ATF6B: variants seen among roughly 807,000 people sequenced by gnomAD.
ATF6B encodes cyclic AMP-dependent transcription factor ATF-6 beta.
Under a neutral mutation model 83.5 loss-of-function variants are expected in ATF6B, and 50 were observed. That is an observed-to-expected ratio of 0.60 (90% CI 0.48 to 0.76). The LOEUF is 0.76. Among genes scored for constraint, ATF6B ranks in the 30% least tolerant of loss-of-function variants. ATF6B has a pLI of 0.00. For missense variants in ATF6B, 790 were observed against 893.8 expected (o/e 0.88, Z 1.48); for synonymous variants, 344 against 362.8 (o/e 0.95, Z 0.59).
At chr6:32,122,682 A>C (rs377334399) in intron 5 of ATF6B, among the ~76,000 whole-genome samples, 1 of 151,298 alleles carries the variant, frequency 6.6e-6, no homozygotes, top group Non-Finnish European at 1.5e-5. Context: ...CCCCGTCTCT[A>C]CTAAAAAAAT....
At chr6:32,121,235 T>TGGAG (rs966263611) in intron 6 of ATF6B, 28 bp downstream of exon 6, 1 of 1,612,498 alleles carries the variant, frequency 6.2e-7, no homozygotes, top group African/African-American at 1.3e-5. Context: ...CTGGAAAACC[T>TGGAG]GGAGGAAGGA....
rs763437493 is a variant in ATF6B at position 32,121,362 on chromosome 6, G to T, written c.479-14C>A. On this transcript the variant is annotated splice_polypyrimidine_tract_variant and intron_variant, in intron 5 of 17. Coordinates refer to ENST00000375203, the MANE Select transcript of ATF6B (RefSeq NM_004381.5). ...TGGTCTGGACATCTGTGGGAGGCAG[G>T]ATGAGGCAAAAGCTGGATATCATGT... The T allele has an allele frequency of 2.5e-6, 4 of 1,610,388 alleles. No individual in the cohort carries two copies. In the South Asian group the frequency reaches 4.4e-5, roughly 18 times the overall value.
Position 32,115,730 on chromosome 6 carries a change from T to C in ATF6B, c.*9A>G, listed in dbSNP as rs199925211. 9.2e-5 allele frequency: 145 copies of C among 1,575,634 alleles called. No homozygotes were observed. The highest frequency in any genetic ancestry group is 1.8e-5 in the Non-Finnish European group (21 of 1,158,556). The stretch of plus-strand genomic sequence containing the variant: ...TCCCCCCGTTCTAAGTCAGTGTGAA[T>C]GGCAGAGGTCAGGGATGATTGAGGT... On this transcript the variant is annotated 3_prime_UTR_variant, in exon 18 of 18. Coordinates refer to ENST00000375203, the MANE Select transcript of ATF6B (RefSeq NM_004381.5).
chr6:32,125,947 T>G lies in ATF6B; in HGVS notation c.478+170A>C. 1.1e-6 allele frequency: 1 copy of G among 925,826 alleles called. No individual in the cohort carries two copies. Among genetic ancestry groups the G allele is most frequent in the Non-Finnish European group, 1.6e-6 (1 of 627,038 alleles). The allele number at this position is 925,826 out of a possible 1,614,324, so 57.4% of individuals were successfully genotyped here. On this transcript the variant is annotated intron_variant, in intron 5 of 17. Coordinates refer to ENST00000375203, the MANE Select transcript of ATF6B (RefSeq NM_004381.5). The surrounding 1 kb of genome is among the most constrained non-coding windows in gnomAD (Gnocchi z 4.1). The stretch of plus-strand genomic sequence containing the variant: ...CTGCCCTTGCTGTGGTTCCCTGAAA[T>G]GTTTCCTCTCCTTCCTGCCTTCCCT...
chr6:32,116,550 G>C lies in ATF6B; in HGVS notation c.1812C>G (p.Leu604=). The change falls in exon 17 of 18, where the codon CTC becomes CTG. Residue 604 remains leucine (L), a synonymous_variant. Transcript: ENST00000375203. The surrounding 1 kb of genome is among the most constrained non-coding windows in gnomAD (Gnocchi z 5.1). ...VVSFRRDHLL[L]PAISHNKTSR... ...AGGTCTTGTTGTGGCTGATGGCTGG[G>C]AGCAGCAGGTGGTCCTGGGGAACAG... 1 of 1,599,808 alleles carries C rather than the reference G, an allele frequency of 6.3e-7. No individual in the cohort carries two copies. The highest frequency in any genetic ancestry group is 8.5e-7 in the Non-Finnish European group (1 of 1,171,778).
At chr6:32,123,289 C>CA (rs1191668290) in intron 5 of ATF6B, among the ~76,000 whole-genome samples, 1 of 141,876 alleles carries the variant, frequency 7.0e-6, no homozygotes, top group Non-Finnish European at 1.5e-5. Context: ...ATAACCCTCA[C>CA]AAAACTCTCC....
chr6:32,116,668 TGG>T lies in ATF6B; in HGVS notation c.1797+34_1797+35del. 3 of 1,609,688 alleles carry T rather than the reference TGG, an allele frequency of 1.9e-6. No individual in the cohort carries two copies. The highest frequency in any genetic ancestry group is 2.6e-6 in the Non-Finnish European group (3 of 1,176,094). ...CACTGAAGACAGACTGCTGGGAACC[TGG>T]GGTGACAGAGATGGAAGGGCAGGAG... is the stretch of plus-strand genomic sequence containing the variant. On this transcript the variant is annotated intron_variant, in intron 16 of 17. Coordinates refer to ENST00000375203, the MANE Select transcript of ATF6B (RefSeq NM_004381.5). The surrounding 1 kb of genome is among the most constrained non-coding windows in gnomAD (Gnocchi z 5.1).
Position 32,118,814 on chromosome 6 carries a change from A to C in ATF6B, c.1205T>G (p.Val402Gly), listed in dbSNP as rs1781634516. The part of the protein sequence containing the change: ...SGNRKVVCIM[V>G]FLLFIAFNFG... ...GTTGAAGGCAATGAAGAGAAGGAAG[A>C]CCATGATGCAGACCACCTTCCTGTT... Residue 402 changes from valine (V) to glycine (G), a missense_variant, in exon 11 of 18, where the codon GTC (valine) becomes GGC (glycine). Val to Gly is a moderately radical substitution (Grantham distance 109). Coordinates refer to ENST00000375203, the MANE Select transcript of ATF6B (RefSeq NM_004381.5). The surrounding 1 kb of genome is among the most constrained non-coding windows in gnomAD (Gnocchi z 5.2). 1.9e-6 allele frequency: 3 copies of C among 1,614,142 alleles called. No homozygotes were observed. In the Admixed American group the frequency reaches 5.0e-5, roughly 27 times the overall value.
Position 32,117,801 on chromosome 6 carries a change from G to T in ATF6B, c.1424+58C>A. 6.4e-7 allele frequency: 1 copy of T among 1,565,908 alleles called. No individual in the cohort carries two copies. Among genetic ancestry groups the T allele is most frequent in the East Asian group, 2.3e-5 (1 of 43,878 alleles). On this transcript the variant is annotated intron_variant, in intron 12 of 17. Coordinates refer to ENST00000375203, the MANE Select transcript of ATF6B (RefSeq NM_004381.5). The surrounding 1 kb of genome is among the most constrained non-coding windows in gnomAD (Gnocchi z 5.0). Reference sequence around the variant, plus strand: ...GCTTTGGGTCCCCCTCACTGAAAGCGGGGAGAAGACCAACTCATACCCTCA... The same window carrying T: ...GCTTTGGGTCCCCCTCACTGAAAGCTGGGAGAAGACCAACTCATACCCTCA...
At position 32,127,140 on chromosome 6, in the gene ATF6B, G is replaced by A. The variant is rs745602805; in HGVS notation, c.305C>T (p.Ser102Phe). 1 of 1,611,366 alleles carries A rather than the reference G, an allele frequency of 6.2e-7. No homozygotes were observed. Among genetic ancestry groups the A allele is most frequent in the Non-Finnish European group, 8.5e-7 (1 of 1,179,132 alleles). ...SSPCSSSSLS[S>F]ESSRLSTEPS... The stretch of plus-strand genomic sequence containing the variant: ...CTCTGTGGAGAGACGCGATGACTCG[G>A]AGCTGAGGGAGGAGGAAGAGCAGGG... Residue 102 changes from serine (S) to phenylalanine (F), a missense_variant, in exon 4 of 18, where the codon TCC becomes TTC. Ser to Phe is a radical substitution (Grantham distance 155). Around this residue, in one of 3 missense-constraint regions of ATF6B, gnomAD observed 253 missense variants for 243.1 expected, o/e 1.04. Coordinates refer to ENST00000375203, the MANE Select transcript of ATF6B (RefSeq NM_004381.5).
chr6:32,127,304 A>C (rs1035206001), intron 3 of ATF6B, 110 bp from the exon 4 acceptor site: 1 of 1,371,578 alleles, frequency 7.3e-7, no homozygotes, highest in African/African-American at 1.4e-5. Flanking sequence ...GGGAGAAGAA[A>C]CAAAAATAGG....
At chr6:32,120,008 G>T (rs2127338796) in intron 8 of ATF6B, 51 bp from the exon 9 acceptor site, 1 of 1,578,644 alleles carries the variant, frequency 6.3e-7, no homozygotes. Flanking sequence ...TGGGGTCCTT[G>T]TGTCCACACC....
Position 32,117,693 on chromosome 6 carries a change from T to G in ATF6B, c.1426A>C (p.Asn476His). 1.2e-6 allele frequency: 2 copies of G among 1,613,828 alleles called. No individual in the cohort carries two copies. The highest frequency in any genetic ancestry group is 1.7e-6 in the Non-Finnish European group (2 of 1,179,850). ...GCGCCCCCAGGGAAGGCTGTCAGGT[T>G]GCTGGAGTGAAGCAGGAAGGAGACA... ...PSPTDQPSFS[N>H]LTAFPGGAKE... Residue 476 changes from asparagine (N) to histidine (H), a missense_variant and splice_region_variant, in exon 13 of 18, where the codon AAC becomes CAC. Coordinates refer to ENST00000375203, the MANE Select transcript of ATF6B (RefSeq NM_004381.5). The surrounding 1 kb of genome is among the most constrained non-coding windows in gnomAD (Gnocchi z 5.0).
chr6:32,127,510 C>G lies in ATF6B; in HGVS notation c.182G>C (p.Ser61Thr). Residue 61 changes from serine (S) to threonine (T), a missense_variant, in exon 3 of 18, where the codon AGC (serine) becomes ACC (threonine). Transcript: ENST00000375203. ...CPEQDVPFDG[S>T]SLDVGMDVSP... ...GACATCCATCCCCACGTCCAGGGAGCTGCCGTCAAACTAAATAAGGGAGGA... is the reference window on the plus strand; with the variant it reads ...GACATCCATCCCCACGTCCAGGGAGGTGCCGTCAAACTAAATAAGGGAGGA... 2 of 1,613,318 alleles carry G rather than the reference C, an allele frequency of 1.2e-6. No individual in the cohort carries two copies. The highest frequency in any genetic ancestry group is 1.7e-6 in the Non-Finnish European group (2 of 1,179,522).
intron 7 of ATF6B, 42 bp downstream of exon 7, chr6:32,120,947 G>A (rs1421975915): frequency 1.3e-6 from 2 of 1,520,660 alleles, no homozygotes; most frequent in Non-Finnish European, 1.8e-6. Flanking sequence ...CAGGACCAAA[G>A]GCCTCTCACT....
In ATF6B at chr6:32,118,149, G is replaced by A. The variant is rs1173526315; in HGVS notation, c.1245-111C>T. On this transcript the variant is annotated intron_variant, in intron 11 of 17. Coordinates refer to ENST00000375203, the MANE Select transcript of ATF6B (RefSeq NM_004381.5). This position sits in a 1 kb window ranked among gnomAD's most constrained non-coding sequence, Gnocchi z 5.2. ...GCTTGAGTTGCAATCTGTTATACAA[G>A]CCTGAGTCTGCCTCTGTAAGATGGG... 1 of 1,290,650 alleles carries A rather than the reference G, an allele frequency of 7.7e-7. No individual in the cohort carries two copies. Among genetic ancestry groups the A allele is most frequent in the Non-Finnish European group, 1.1e-6 (1 of 913,888 alleles). The allele number at this position is 1,290,650 out of a possible 1,614,324, so 79.9% of individuals were successfully genotyped here.
chr6:32,119,922 C>T lies in ATF6B; in HGVS notation c.868G>A (p.Val290Ile), dbSNP rs1781686381. The change falls in exon 9 of 18, where the codon GTC becomes ATC. Residue 290 changes from valine to isoleucine, a missense_variant. Around this residue, in one of 3 missense-constraint regions of ATF6B, gnomAD observed 530 missense variants for 632.6 expected, o/e 0.84. Transcript: ENST00000375203. The surrounding 1 kb of genome is among the most constrained non-coding windows in gnomAD (Gnocchi z 4.9). ...GAGGGAGCCGGCCCTTCAGGCTGGACTCGAATAGCACCCTGGATGAGGACA... is the reference window on the plus strand; with the variant it reads ...GAGGGAGCCGGCCCTTCAGGCTGGATTCGAATAGCACCCTGGATGAGGACA... ...PVVLIQGAIR[V>I]QPEGPAPSLP... The T allele has an allele frequency of 1.9e-6, 3 of 1,614,136 alleles. No homozygotes were observed.
intron 4 of ATF6B, 58 bp from the exon 5 acceptor site, chr6:32,126,310 T>G (rs939666745): frequency 4.4e-6 from 7 of 1,589,608 alleles, no homozygotes; most frequent in African/African-American, 4.0e-5. Flanking sequence ...ACAAGGGAGA[T>G]GTTGACAGTA....
Position 32,126,290 on chromosome 6 carries a change from AGGGC to A in ATF6B, c.343-42_343-39del, listed in dbSNP as rs1434075616. 57 of 1,606,108 alleles carry A rather than the reference AGGGC, an allele frequency of 3.5e-5. No homozygotes were observed. The Admixed American group carries it at 3.6e-4, about 10-fold the overall frequency. On this transcript the variant is annotated intron_variant, in intron 4 of 17. Coordinates refer to ENST00000375203, the MANE Select transcript of ATF6B (RefSeq NM_004381.5). ...TGGTGTGGGGCAGGGGGCAGAAAGA[AGGGC>A]AAAAAACAAGGGAGATGTTGACAGT...
Sources: allele counts gnomAD v4.1 joint callset (sites outside exome capture counted in the v4.1 genomes callset), GRCh38; gene constraint gnomAD v4.1.1; regional missense constraint gnomAD v4.1.1; non-coding constraint Gnocchi (gnomAD v3.1); transcripts MANE v1.5; gene names NCBI Gene and HGNC (gene_info 2026-07-23, HGNC 2026-07-21).